The following ZNF215 variants were observed in gnomAD, a reference collection of about 807,000 sequenced individuals.
ZNF215 encodes the protein BWSCR2-associated zinc finger protein 2.
A neutral mutation model predicts 27.2 loss-of-function variants in ZNF215; 24 were observed. The ratio of observed to expected loss-of-function variants is 0.88; its 90% CI spans 0.64 to 1.24. The LOEUF is 1.24. Ranked by LOEUF, ZNF215 falls within the 50% of genes most tolerant of loss-of-function variation. The pLI is 0.00. For missense variants in ZNF215, 675 were observed against 605.7 expected (o/e 1.11, Z -1.20); for synonymous variants, 210 against 204.0 (o/e 1.03, Z -0.25).
chr11:6,948,893 T>TC (rs1849930545), intron 6 of ZNF215, among the ~76,000 whole-genome samples: 1 of 91,630 alleles, frequency 1.1e-5, no homozygotes, highest in African/African-American at 4.3e-5. Context: ...ATGCTATCCC[T>TC]CCCCCCTCCC....
intron 2 of ZNF215, among the ~76,000 whole-genome samples, chr11:6,930,896 A>T (rs977465597): frequency 1.3e-5 from 2 of 152,220 alleles, no homozygotes; most frequent in African/African-American, 4.8e-5. Context: ...AGTCTCATTT[A>T]TATATTGCCT....
Position 6,956,032 on chromosome 11 carries a change from A to G in ZNF215, c.1055A>G (p.His352Arg), listed in dbSNP as rs1180196542. 1.9e-6 allele frequency: 3 copies of G among 1,608,944 alleles called. No homozygotes were observed. Among genetic ancestry groups the G allele is most frequent in the African/African-American group, 1.3e-5 (1 of 74,680 alleles). Residue 352 changes from histidine to arginine, a missense_variant, in exon 7 of 7, where the codon CAT becomes CGT. His to Arg is a conservative substitution (Grantham distance 29). Transcript: ENST00000278319. ...KFNLDSVGKQ[H>R]SEYEYGNDLS... ...AATTTAGACTCAGTAGGTAAGCAAC[A>G]TTCAGAATATGAATATGGGAATGAC...
At chr11:6,973,689 T>A (rs1045411245) in intron 5 of ZNF215, among the ~76,000 whole-genome samples, 1 of 152,164 alleles carries the variant, frequency 6.6e-6, no homozygotes, top group African/African-American at 2.4e-5. Flanking sequence ...GCTGCATAAA[T>A]GTCTTCTTTT....
downstream of ZNF215, among the ~76,000 whole-genome samples, chr11:6,989,437 A>C (rs773038220): frequency 2.0e-5 from 3 of 152,186 alleles, no homozygotes; most frequent in Non-Finnish European, 4.4e-5. Flanking sequence ...ACTAGGCCCT[A>C]GTGGACACTG....
chr11:6,935,436 G>A (rs1361018937), intron 3 of ZNF215, among the ~76,000 whole-genome samples: 1 of 152,114 alleles, frequency 6.6e-6, no homozygotes, highest in Non-Finnish European at 1.5e-5. Context: ...AAATCTCTGT[G>A]GTATCACAAG....
chr11:6,970,113 CT>C (rs67951976), intron 5 of ZNF215, among the ~76,000 whole-genome samples: 93,436 of 151,914 alleles, frequency 0.62, 29,081 homozygotes, highest in South Asian at 0.79. Flanking sequence ...ATATCACCCC[CT>C]ATGACATATT....
downstream of ZNF215, among the ~76,000 whole-genome samples, chr11:6,989,377 T>A (rs1428223143): frequency 6.6e-6 from 1 of 152,086 alleles, no homozygotes; most frequent in East Asian, 1.9e-4. Context: ...AGGACATTAT[T>A]TCTGGAGAAG....
intron 3 of ZNF215, 32 bp from the exon 4 acceptor site, chr11:6,941,539 G>A (rs768383621): frequency 5.6e-6 from 9 of 1,599,454 alleles, no homozygotes; most frequent in Non-Finnish European, 7.7e-6. Flanking sequence ...GGCAAAACTT[G>A]TCTCCCTAAT....
rs139686178 is a variant in ZNF215 at position 6,956,233 on chromosome 11, G to C, written c.1256G>C (p.Arg419Pro). 8 of 1,613,430 alleles carry C rather than the reference G, an allele frequency of 5.0e-6. No individual in the cohort carries two copies. The East Asian group carries it at 8.9e-5, about 18-fold the overall frequency. ...CSECGRFFNRRTNLTKHQKLH... is the reference protein window; with the variant it reads ...CSECGRFFNRPTNLTKHQKLH... Reference sequence around the variant, plus strand: ...GAATGTGGGAGATTCTTCAACCGACGTACAAACCTTACTAAGCATCAAAAA... The same window carrying C: ...GAATGTGGGAGATTCTTCAACCGACCTACAAACCTTACTAAGCATCAAAAA... The change falls in exon 7 of 7, where the codon CGT (arginine) becomes CCT (proline). Residue 419 changes from arginine to proline, a missense_variant. Transcript: ENST00000278319.
chr11:6,960,123 C>T (rs550064903), downstream of ZNF215, among the ~76,000 whole-genome samples: 8 of 152,152 alleles, frequency 5.3e-5, no homozygotes, highest in Admixed American at 2.6e-4. Flanking sequence ...ACTTAAAGAT[C>T]ACATATTGGG....
downstream of ZNF215, among the ~76,000 whole-genome samples, chr11:6,987,446 T>G (rs1199087804): frequency 6.6e-6 from 1 of 152,156 alleles, no homozygotes; most frequent in African/African-American, 2.4e-5. Context: ...GGATGACACA[T>G]TAATTTGTGC....
chr11:6,980,284 T>A (rs1850920740), intron 5 of ZNF215, among the ~76,000 whole-genome samples: 1 of 151,860 alleles, frequency 6.6e-6, no homozygotes, highest in Non-Finnish European at 1.5e-5. Context: ...AAATAATAAA[T>A]GAATTAAACA....
Position 6,956,413 on chromosome 11 carries a change from G to T in ZNF215, c.1436G>T (p.Arg479Leu). The change falls in exon 7 of 7, where the codon CGA becomes CTA. Residue 479 changes from arginine to leucine, a missense_variant. Transcript: ENST00000278319. ...KSFNRSSSLIRHQMIHTGEKP... is the reference protein window; with the variant it reads ...KSFNRSSSLILHQMIHTGEKP... The stretch of plus-strand genomic sequence containing the variant: ...TTCAACCGGAGCTCCTCTCTTATTC[G>T]ACACCAAATGATTCACACGGGAGAG... The T allele has an allele frequency of 6.2e-7, 1 of 1,614,036 alleles. No individual in the cohort carries two copies. Among genetic ancestry groups the T allele is most frequent in the South Asian group, 1.1e-5 (1 of 91,060 alleles).
intron 6 of ZNF215, among the ~76,000 whole-genome samples, chr11:6,949,319 G>A (rs1036824779): frequency 5.3e-5 from 8 of 152,146 alleles, no homozygotes; most frequent in Admixed American, 2.0e-4. Context: ...CTGAGGAATC[G>A]CCACACTAAC....
rs567902780 is a variant in ZNF215 at position 6,956,087 on chromosome 11, A to G, written c.1110A>G (p.Gln370=). Reference sequence around the variant, plus strand: ...GTTTGAGTACAGATATTCGACACCAAAAAAGTCATACTACAATGAATTCCT... The same window carrying G: ...GTTTGAGTACAGATATTCGACACCAGAAAAGTCATACTACAATGAATTCCT... ...DLSLSTDIRH[Q]KSHTTMNSYE... The change falls in exon 7 of 7, where the codon CAA becomes CAG. Residue 370 remains glutamine, a synonymous_variant. Transcript: ENST00000278319. The G allele has an allele frequency of 1.2e-6, 2 of 1,612,710 alleles. No homozygotes were observed. Among genetic ancestry groups the G allele is most frequent in the African/African-American group, 1.3e-5 (1 of 75,014 alleles).
rs921443126 is a variant in ZNF215, at chr11:6,926,588, G to T, written c.-423G>T. 2 of 152,282 alleles carry T rather than the reference G, an allele frequency of 1.3e-5. No homozygotes were observed. Among genetic ancestry groups the T allele is most frequent in the African/African-American group, 4.8e-5 (2 of 41,458 alleles). 9.4% of individuals were successfully genotyped at this position (152,282 alleles called of 1,614,324 possible). A position where few individuals can be genotyped will look rare whatever the true frequency, so the allele number is the denominator to read the frequency against. On this transcript the variant is annotated 5_prime_UTR_variant, in exon 1 of 7. Transcript: ENST00000278319. ...GAGCCGGCAGTGAGTTGAGGGTTCG[G>T]CGAGGTCAGGGATTCCTAGTTGCAG...
At chr11:6,981,965 G>C (rs933369007) in intron 5 of ZNF215, among the ~76,000 whole-genome samples, 1 of 151,936 alleles carries the variant, frequency 6.6e-6, no homozygotes, top group Admixed American at 6.6e-5. Flanking sequence ...TCCATTGATC[G>C]ATATCTCTGG....
Position 6,957,637 on chromosome 11 carries a change from C to G in ZNF215, c.*1106C>G, listed in dbSNP as rs1468540305. The G allele has an allele frequency of 1.8e-6, 1 of 561,136 alleles. No individual in the cohort carries two copies. The highest frequency in any genetic ancestry group is 2.3e-6 in the Non-Finnish European group (1 of 442,624). The allele number at this position is 561,136 out of a possible 1,614,324, so 34.8% of individuals were successfully genotyped here. A position where few individuals can be genotyped will look rare whatever the true frequency, so the allele number is the denominator to read the frequency against. ...AGACATTTGCCTTAGGAACTTAACT[C>G]TTGTTTGTATCCATTAGTCTATGGT... On this transcript the variant is annotated 3_prime_UTR_variant, in exon 7 of 7. Transcript: ENST00000278319.
At chr11:6,964,093 T>C (rs1291078659) in intron 5 of ZNF215, among the ~76,000 whole-genome samples, 1 of 152,050 alleles carries the variant, frequency 6.6e-6, no homozygotes, top group Admixed American at 6.6e-5. Flanking sequence ...TTCATGGGCT[T>C]ATTTGTCATA....
Sources: allele counts gnomAD v4.1 joint callset (sites outside exome capture counted in the v4.1 genomes callset), GRCh38; gene constraint gnomAD v4.1.1; transcripts MANE v1.5; gene names NCBI Gene and HGNC (gene_info 2026-07-23, HGNC 2026-07-21).